CELF2: variants seen among roughly 807,000 people sequenced by gnomAD.
CELF2 encodes CUG triplet repeat RNA-binding protein 2.
Under a neutral mutation model 62.6 loss-of-function variants are expected in CELF2, and 8 were observed. That is an observed-to-expected ratio of 0.13 (90% confidence interval 0.07 to 0.23). CELF2 has a LOEUF of 0.23. Among genes scored for constraint, CELF2 ranks in the 10% least tolerant of loss-of-function variants. The pLI is 1.00. For missense variants in CELF2, 333 were observed against 671.0 expected (o/e 0.50, Z 5.56); for synonymous variants, 258 against 250.0 (o/e 1.03, Z -0.30).
At chr10:10,732,201 C>G in the CELF2 span, among the ~76,000 whole-genome samples, 1 of 152,102 alleles carries the variant, frequency 6.6e-6, no homozygotes, top group African/African-American at 2.4e-5. Context: ...CAGCTAGGCT[C>G]AAGGTTTAGC....
intron 2 of CELF2, among the ~76,000 whole-genome samples, chr10:10,982,740 G>A (rs1054324016): frequency 6.6e-6 from 1 of 152,192 alleles, no homozygotes; most frequent in African/African-American, 2.4e-5. Flanking sequence ...GGCAACATGA[G>A]TATGACATTT....
intron 1 of CELF2, 126 bp downstream of exon 1, chr10:11,018,289 C>T: frequency 4.3e-6 from 3 of 705,560 alleles, no homozygotes. Context: ...CCGTCGCCTC[C>T]CTCGGCCTTC....
Position 11,328,893 on chromosome 10 carries a change from T to C in CELF2, c.1439-33T>C. 1 of 1,595,686 alleles carries C rather than the reference T, an allele frequency of 6.3e-7. No homozygotes were observed. Among genetic ancestry groups the C allele is most frequent in the Non-Finnish European group, 8.6e-7 (1 of 1,167,328 alleles). ...TTTCTGTTTTCTGCTGGGCTTCCTC[T>C]CCAGGCTGACTCCCTCTCTCGGTAT... On this transcript the variant is annotated intron_variant, in intron 12 of 12. Coordinates refer to ENST00000633077, the MANE Select transcript of CELF2 (RefSeq NM_001326342.2). The surrounding 1 kb of genome is among the most constrained non-coding windows in gnomAD (Gnocchi z 6.4).
At chr10:10,492,452 A>G in the CELF2 span, among the ~76,000 whole-genome samples, 1 of 143,810 alleles carries the variant, frequency 7.0e-6, no homozygotes. Flanking sequence ...CTAGAACTTA[A>G]AGTATAATAA....
chr10:11,208,747 A>G (rs1346272830), intron 2 of CELF2, among the ~76,000 whole-genome samples: 1 of 152,162 alleles, frequency 6.6e-6, no homozygotes, highest in East Asian at 1.9e-4. Flanking sequence ...GTGACCTGCT[A>G]TGAGGAAGAG....
chr10:10,573,517 T>C, the CELF2 span, among the ~76,000 whole-genome samples: 1 of 152,284 alleles, frequency 6.6e-6, no homozygotes, highest in African/African-American at 2.4e-5. Flanking sequence ...TTTGGGGTGG[T>C]AATCTGTACC....
chr10:10,978,040 TG>T (rs67003316), intron 2 of CELF2, among the ~76,000 whole-genome samples: 4,928 of 147,852 alleles, frequency 0.033, 328 homozygotes, highest in African/African-American at 0.11. Context: ...TTTTGTTTTT[TG>T]TTTTTTTTTT....
chr10:10,529,544 T>A, the CELF2 span, among the ~76,000 whole-genome samples: 1 of 151,392 alleles, frequency 6.6e-6, no homozygotes, highest in African/African-American at 2.4e-5. Flanking sequence ...ATTAGGTGGG[T>A]GTGGTGGTGC....
intron 9 of CELF2, among the ~76,000 whole-genome samples, chr10:11,308,289 G>C (rs1298360963): frequency 6.6e-6 from 1 of 152,066 alleles, no homozygotes; most frequent in East Asian, 1.9e-4. Flanking sequence ...TGCATGTGTG[G>C]ATTATTGTCT....
chr10:10,470,119 A>G, the CELF2 span, among the ~76,000 whole-genome samples: 67 of 151,952 alleles, frequency 4.4e-4, no homozygotes, highest in African/African-American at 1.5e-3. Context: ...TAGAAATCAA[A>G]AATCCCAAAC....
chr10:10,462,663 A>T, the CELF2 span, among the ~76,000 whole-genome samples: 1 of 118,040 alleles, frequency 8.5e-6, no homozygotes, highest in Non-Finnish European at 1.6e-5. Context: ...TAAAGAGCTG[A>T]AGGCTTTGTC....
At chr10:10,694,812 T>C in the CELF2 span, among the ~76,000 whole-genome samples, 4 of 151,820 alleles carry the variant, frequency 2.6e-5, no homozygotes, top group Non-Finnish European at 5.9e-5. Flanking sequence ...AAAGTCTGTT[T>C]TATCAGAGAT....
At chr10:10,493,183 T>G in the CELF2 span, among the ~76,000 whole-genome samples, 23 of 152,212 alleles carry the variant, frequency 1.5e-4, no homozygotes, top group Non-Finnish European at 2.9e-4. Context: ...AATTACAAAA[T>G]AACAAATACT....
chr10:11,049,812 T>C (rs2063579299), intron 1 of CELF2, among the ~76,000 whole-genome samples: 1 of 152,100 alleles, frequency 6.6e-6, no homozygotes, highest in African/African-American at 2.4e-5. Context: ...AGTGTGACAG[T>C]GCTTACAAAA....
chr10:10,598,741 CTT>C, the CELF2 span, among the ~76,000 whole-genome samples: 21 of 85,866 alleles, frequency 2.4e-4, no homozygotes, highest in African/African-American at 7.9e-4. Context: ...TTTTCTTTTT[CTT>C]TTTCTTTCTT....
the CELF2 span, among the ~76,000 whole-genome samples, chr10:10,629,408 C>T: frequency 2.0e-5 from 3 of 152,128 alleles, no homozygotes; most frequent in Non-Finnish European, 4.4e-5. Context: ...ATTCTTGAAG[C>T]CCAGCTTACT....
At chr10:10,726,634 A>G in the CELF2 span, among the ~76,000 whole-genome samples, 28 of 152,190 alleles carry the variant, frequency 1.8e-4, no homozygotes, top group African/African-American at 6.3e-4. Flanking sequence ...CCATTTGGTC[A>G]TGAACTGGGA....
chr10:10,505,587 C>A, the CELF2 span, among the ~76,000 whole-genome samples: 369 of 152,196 alleles, frequency 2.4e-3, 3 homozygotes, highest in African/African-American at 8.6e-3. Flanking sequence ...CGTTCTAGCT[C>A]TCTACTTGGC....
chr10:10,760,729 G>A, the CELF2 span, among the ~76,000 whole-genome samples: 2 of 152,258 alleles, frequency 1.3e-5, no homozygotes, highest in African/African-American at 4.8e-5. Flanking sequence ...CCAAGCAAAC[G>A]AGGAAAAAGG....
Sources: gnomAD v4.1 joint callset for allele counts (sites outside exome capture counted in the v4.1 genomes callset) on GRCh38, gnomAD v4.1.1 for gene constraint, Gnocchi (gnomAD v3.1) non-coding constraint, MANE v1.5 for transcripts, NCBI Gene and HGNC (gene_info 2026-07-23, HGNC 2026-07-21) for gene names.